KDM4C: variants seen among roughly 807,000 people sequenced by gnomAD.
KDM4C encodes the protein lysine-specific demethylase 4C.
In KDM4C, 81 loss-of-function variants were observed where a neutral mutation model predicts 129.3. That is an observed-to-expected ratio of 0.63 (90% CI 0.52 to 0.75). The LOEUF (loss-of-function observed/expected upper bound fraction) is 0.75, where lower values mean the gene tolerates loss of function less well. Ranked by LOEUF, KDM4C falls within the 30% of genes least tolerant of loss-of-function variation. The pLI is 0.00. For missense variants in KDM4C, 1,457 were observed against 1,304.0 expected (o/e 1.12, Z -1.81); for synonymous variants, 573 against 456.1 (o/e 1.26, Z -3.26).
intron 1 of KDM4C, among the ~76,000 whole-genome samples, chr9:6,749,403 A>T (rs191765052): frequency 6.7e-4 from 102 of 152,300 alleles, no homozygotes; most frequent in Middle Eastern, 6.8e-3. Context: ...ACAAAATAGG[A>T]CTACATGTAT....
At chr9:6,799,180 T>G (rs1380515506) in intron 2 of KDM4C, among the ~76,000 whole-genome samples, 4 of 152,168 alleles carry the variant, frequency 2.6e-5, no homozygotes, top group African/African-American at 9.7e-5. Flanking sequence ...GGGCAGAGGC[T>G]GCAATCTCGG....
At chr9:7,078,064 GAC>G (rs1344932501) in intron 17 of KDM4C, among the ~76,000 whole-genome samples, 3 of 152,126 alleles carry the variant, frequency 2.0e-5, no homozygotes, top group African/African-American at 7.2e-5. Flanking sequence ...AAAAATTAAA[GAC>G]AAATTATATC....
chr9:6,838,585 C>T (rs887500010), intron 4 of KDM4C, among the ~76,000 whole-genome samples: 1 of 152,054 alleles, frequency 6.6e-6, no homozygotes, highest in African/African-American at 2.4e-5. Context: ...TTGCCTTTAT[C>T]TTTTTATGTG....
At chr9:7,159,668 C>A (rs1564192439) in intron 19 of KDM4C, among the ~76,000 whole-genome samples, 1 of 152,220 alleles carries the variant, frequency 6.6e-6, no homozygotes, top group South Asian at 2.1e-4. Flanking sequence ...CCCCCACTTT[C>A]TTCTGGCTTG....
At chr9:7,014,262 A>T in intron 14 of KDM4C, 1 of 388,338 alleles carries the variant, frequency 2.6e-6, no homozygotes, top group East Asian at 4.1e-5. Context: ...TTGAGGAGTC[A>T]TGATGGGGTT....
chr9:6,828,686 A>C (rs1834300035), intron 4 of KDM4C, among the ~76,000 whole-genome samples: 1 of 151,498 alleles, frequency 6.6e-6, no homozygotes, highest in African/African-American at 2.4e-5. Flanking sequence ...ACCTGGCCAA[A>C]GTGGAGAAAC....
intron 3 of KDM4C, among the ~76,000 whole-genome samples, chr9:6,810,446 G>GAATATAA (rs1830937430): frequency 6.6e-6 from 1 of 152,116 alleles, no homozygotes; most frequent in Non-Finnish European, 1.5e-5. Context: ...CTTATTAACA[G>GAATATAA]AATATACATT....
intron 4 of KDM4C, among the ~76,000 whole-genome samples, chr9:6,833,256 A>G (rs968003111): frequency 6.6e-6 from 1 of 152,080 alleles, no homozygotes; most frequent in Admixed American, 6.6e-5. Flanking sequence ...TTTTTTAAAA[A>G]ACAGAATGCA....
chr9:7,083,711 A>ATGTGTGTGTGTGTG (rs142609948), intron 17 of KDM4C, among the ~76,000 whole-genome samples: 3,496 of 143,268 alleles, frequency 0.024, 135 homozygotes, highest in African/African-American at 0.071. Context: ...CACATGACTG[A>ATGTGTGTGTGTGTG]TGTGTGTGTG....
Position 6,821,770 on chromosome 9 carries a change from G to A in KDM4C, c.435+7025G>A, listed in dbSNP as rs145004890. Among the ~76,000 whole-genome samples the A allele has an allele frequency of 3.6e-3, 553 of 152,166 alleles. 3 individuals carry two copies. Among genetic ancestry groups the A allele is most frequent in the African/African-American group, 0.013 (532 of 41,494 alleles). On this transcript the variant is annotated intron_variant, in intron 4 of 21. Coordinates refer to ENST00000381309, the MANE Select transcript of KDM4C (RefSeq NM_015061.6). ...CTGCCTTAGCCTCCCGAGTAGCTGG[G>A]ATTACAGGTGCATGCCACCACACCT...
intron 17 of KDM4C, among the ~76,000 whole-genome samples, chr9:7,094,202 A>G (rs1389534495): frequency 2.6e-5 from 4 of 152,254 alleles, no homozygotes; most frequent in African/African-American, 9.6e-5. Flanking sequence ...GGCCTGAATA[A>G]TCCGGAAGCA....
intron 8 of KDM4C, among the ~76,000 whole-genome samples, chr9:6,964,781 CAA>C (rs369795659): frequency 0.016 from 862 of 53,820 alleles, 10 homozygotes; most frequent in African/African-American, 0.058. Flanking sequence ...GACTCCGTCT[CAA>C]AAAAAAAAAA....
At chr9:6,734,022 G>A (rs1817439671) in intron 1 of KDM4C, among the ~76,000 whole-genome samples, 4 of 152,144 alleles carry the variant, frequency 2.6e-5, no homozygotes, top group Admixed American at 6.6e-5. Context: ...TATATCTTGT[G>A]CTGACCTCCT....
chr9:6,888,795 T>C (rs1481277557), intron 7 of KDM4C, among the ~76,000 whole-genome samples: 11 of 137,354 alleles, frequency 8.0e-5, no homozygotes, highest in Admixed American at 1.4e-4. Context: ...TTTTTTTTTT[T>C]TTTTTTTTTT....
chr9:6,915,600 C>G (rs1305744099), intron 8 of KDM4C, among the ~76,000 whole-genome samples: 7 of 152,070 alleles, frequency 4.6e-5, no homozygotes, highest in African/African-American at 7.2e-5. Context: ...AGAGAGATAA[C>G]AAAAATACGG....
intron 8 of KDM4C, among the ~76,000 whole-genome samples, chr9:6,969,277 A>G (rs1031453026): frequency 2.0e-5 from 3 of 152,186 alleles, no homozygotes; most frequent in African/African-American, 7.2e-5. Flanking sequence ...TCTTAATGCT[A>G]TAGAGCCAGA....
chr9:7,151,847 T>G lies in KDM4C; in HGVS notation c.2782-13391T>G, dbSNP rs896206931. On this transcript the variant is annotated intron_variant, in intron 19 of 21. Coordinates refer to ENST00000381309, the MANE Select transcript of KDM4C (RefSeq NM_015061.6). Reference sequence around the variant, plus strand: ...ACACGCTTAGATACAGATACCTCAGTGTGGAAGCATTCCACATTTTCTTCT... The same window carrying G: ...ACACGCTTAGATACAGATACCTCAGGGTGGAAGCATTCCACATTTTCTTCT... 3.3e-5 allele frequency among the ~76,000 whole-genome samples: 5 copies of G among 152,334 alleles called. No individual in the cohort carries two copies. In the East Asian group the frequency reaches 9.6e-4, roughly 29 times the overall value.
intron 8 of KDM4C, among the ~76,000 whole-genome samples, chr9:6,942,951 A>G (rs6477129): frequency 0.74 from 112,722 of 151,904 alleles, 42,308 homozygotes; most frequent in East Asian, 1. Flanking sequence ...TTGTAGCCCC[A>G]ACCTCCTGGT....
chr9:7,123,800 G>C (rs1216524334), intron 18 of KDM4C, among the ~76,000 whole-genome samples: 2 of 152,182 alleles, frequency 1.3e-5, no homozygotes, highest in Non-Finnish European at 2.9e-5. Flanking sequence ...AATTTGACAA[G>C]AGTAGAGTCG....
Sources: allele counts gnomAD v4.1 joint callset (sites outside exome capture counted in the v4.1 genomes callset), GRCh38; gene constraint gnomAD v4.1.1; transcripts MANE v1.5; gene names NCBI Gene and HGNC (gene_info 2026-07-23, HGNC 2026-07-21).